KRT71: variants seen among roughly 807,000 people sequenced by gnomAD.
KRT71 encodes the protein keratin 71.
Under a neutral mutation model 46.2 loss-of-function variants are expected in KRT71, and 42 were observed. That is an observed-to-expected ratio of 0.91 (90% CI 0.71 to 1.18). KRT71 has a LOEUF of 1.18. Among genes scored for constraint, KRT71 ranks in the 50% most tolerant of loss-of-function variants. The pLI is 0.00. For synonymous variants in KRT71, 292 were observed against 277.8 expected (o/e 1.05, Z -0.51); for missense variants, 708 against 677.9 (o/e 1.04, Z -0.49).
chr12:52,546,891 G>A (rs972377431), intron 6 of KRT71, among the ~76,000 whole-genome samples: 1 of 152,214 alleles, frequency 6.6e-6, no homozygotes, highest in Non-Finnish European at 1.5e-5. Flanking sequence ...AGCTGCCCAG[G>A]AACAGGGCAC....
At position 52,548,000 on chromosome 12, in the gene KRT71, CAG is replaced by C. The variant is rs3839975; in HGVS notation, c.979-20_979-19del. On this transcript the variant is annotated intron_variant, in intron 5 of 8. Coordinates refer to ENST00000267119, the MANE Select transcript of KRT71 (RefSeq NM_033448.3). ...TCTTGGAACTGGGGACCCCAAAGCA[CAG>C]AGTCATGAGTGTGTCGTGGGAGTGC... is the stretch of plus-strand genomic sequence containing the variant. The C allele has an allele frequency of 0.48, 773,482 of 1,612,826 alleles. 194,689 individuals carry two copies. The highest frequency in any genetic ancestry group is 0.55 in the Middle Eastern group (3,318 of 6,058).
intron 8 of KRT71, 134 bp from the exon 9 acceptor site, chr12:52,544,877 A>G (rs1417120028): frequency 4.1e-6 from 3 of 727,586 alleles, no homozygotes; most frequent in Non-Finnish European, 7.0e-6. Flanking sequence ...CCTGGGGAGA[A>G]TGTACCAAAG....
intron 2 of KRT71, 137 bp downstream of exon 2, chr12:52,549,892 T>C (rs1039093787): frequency 5.2e-6 from 5 of 963,218 alleles, no homozygotes; most frequent in Non-Finnish European, 7.8e-6. Context: ...AGAGTTTTGT[T>C]GGGGTGATTC....
chr12:52,548,568 T>G (rs2120570648), intron 4 of KRT71, 133 bp downstream of exon 4: 1 of 854,976 alleles, frequency 1.2e-6, no homozygotes, highest in Non-Finnish European at 1.9e-6. Context: ...GCCTCGCAAG[T>G]CTGATGCGGG....
Position 52,550,089 on chromosome 12 carries a change from C to G in KRT71, c.596G>C (p.Arg199Thr), listed in dbSNP as rs1939140296. 6.2e-7 allele frequency: 1 copy of G among 1,614,184 alleles called. No homozygotes were observed. The highest frequency in any genetic ancestry group is 8.5e-7 in the Non-Finnish European group (1 of 1,180,014). ...CCTCAGCTCCGAGTCCAGCCTCACC[C>G]TGTCCCCAGACAGCGTCTCCAGCTG... ...RKQLETLSGD[R>T]VRLDSELRNV... Residue 199 changes from arginine (R) to threonine (T), a missense_variant, in exon 2 of 9, where the codon AGG becomes ACG. Coordinates refer to ENST00000267119, the MANE Select transcript of KRT71 (RefSeq NM_033448.3).
intron 1 of KRT71, 119 bp from the exon 2 acceptor site, chr12:52,550,362 G>A: frequency 8.1e-7 from 1 of 1,233,890 alleles, no homozygotes; most frequent in Non-Finnish European, 1.1e-6. Context: ...GAAAGAGGTG[G>A]GCAAATCATT....
intron 7 of KRT71, among the ~76,000 whole-genome samples, chr12:52,546,047 G>A (rs2120557776): frequency 6.6e-6 from 1 of 151,738 alleles, no homozygotes; most frequent in East Asian, 1.9e-4. Flanking sequence ...GGAAGAACGA[G>A]CAAATCTGCA....
At chr12:52,546,206 T>C in intron 7 of KRT71, 80 bp downstream of exon 7, 1 of 1,463,182 alleles carries the variant, frequency 6.8e-7, no homozygotes, top group Non-Finnish European at 9.4e-7. Context: ...TCATCTCTTC[T>C]GGATTGAGAT....
intron 4 of KRT71, among the ~76,000 whole-genome samples, 155 bp from the exon 5 acceptor site, chr12:52,548,471 T>C (rs1328925919): frequency 6.6e-6 from 1 of 152,174 alleles, no homozygotes; most frequent in Non-Finnish European, 1.5e-5. Context: ...GCAAAGCAAG[T>C]TCCCTGCTGG....
rs140770876 is a variant in KRT71 at position 52,550,034 on chromosome 12, C to A, written c.651G>T (p.Lys217Asn). ...GGGGGACTCCTCCTGCTCACCTCTT[C>A]TTGTAGTCCTCCACTACGTCCCGCA... Reference protein sequence around the residue: ...RNVRDVVEDYKKRYEEEINKR... With the variant: ...RNVRDVVEDYNKRYEEEINKR... Residue 217 changes from lysine (K) to asparagine (N), a missense_variant, in exon 2 of 9, where the codon AAG becomes AAT. Transcript: ENST00000267119. The A allele has an allele frequency of 1.2e-6, 2 of 1,614,006 alleles. No homozygotes were observed. The highest frequency in any genetic ancestry group is 1.7e-6 in the Non-Finnish European group (2 of 1,179,980).
Position 52,549,302 on chromosome 12 carries a change from C to A in KRT71, c.708G>T (p.Leu236=), listed in dbSNP as rs781454643. 8.5e-5 allele frequency: 137 copies of A among 1,613,510 alleles called. No homozygotes were observed. The highest frequency in any genetic ancestry group is 1.1e-4 in the Non-Finnish European group (132 of 1,179,666). ...KRTAAENEFV[L]LKKDVDAAYA... ...CCTGCCTTCCCCTCACCTTCTTGAGCAGCACAAACTCGTTCTCTGCTGCTG... is the reference window on the plus strand; with the variant it reads ...CCTGCCTTCCCCTCACCTTCTTGAGAAGCACAAACTCGTTCTCTGCTGCTG... Residue 236 remains leucine, a synonymous_variant, in exon 3 of 9, where the codon CTG becomes CTT. Coordinates refer to ENST00000267119, the MANE Select transcript of KRT71 (RefSeq NM_033448.3).
At position 52,546,044 on chromosome 12, in the gene KRT71, C is replaced by T. The variant is rs10747642; in HGVS notation, c.1325+242G>A. Among the ~76,000 whole-genome samples, 58,169 of 151,272 alleles carry T rather than the reference C, an allele frequency of 0.38. 13,890 individuals are homozygous for T. The highest frequency in any genetic ancestry group is 0.54 in the Middle Eastern group (158 of 294). On this transcript the variant is annotated intron_variant, in intron 7 of 8. Transcript: ENST00000267119. The stretch of plus-strand genomic sequence containing the variant: ...TTGTTTCTAGTATGCCCAGGAAGAA[C>T]GAGCAAATCTGCATAGCTTACTACA...
Position 52,546,428 on chromosome 12 carries a change from C to T in KRT71, c.1183G>A (p.Asp395Asn). 6.2e-7 allele frequency: 1 copy of T among 1,614,212 alleles called. No homozygotes were observed. Among genetic ancestry groups the T allele is most frequent in the Middle Eastern group, 1.6e-4 (1 of 6,062 alleles). ...NALKDARAKLDELEGALHQAK... is the reference protein window; with the variant it reads ...NALKDARAKLNELEGALHQAK... Reference sequence around the variant, plus strand: ...TGGTGCAGGGCGCCCTCCAGCTCGTCCAGCTTGGCCCGGGCATCCTTCAGG... The same window carrying T: ...TGGTGCAGGGCGCCCTCCAGCTCGTTCAGCTTGGCCCGGGCATCCTTCAGG... Residue 395 changes from aspartate (D) to asparagine (N), a missense_variant, in exon 7 of 9, where the codon GAC (aspartate) becomes AAC (asparagine). By Grantham distance (23) the Asp-to-Asn change is conservative. Transcript: ENST00000267119.
At chr12:52,548,591 A>G in intron 4 of KRT71, 110 bp downstream of exon 4, 3 of 971,828 alleles carry the variant, frequency 3.1e-6, no homozygotes, top group Non-Finnish European at 4.8e-6. Flanking sequence ...ATGGTTGGCT[A>G]ACTGAGGGGT....
chr12:52,552,356 G>T (rs938414904), intron 1 of KRT71, among the ~76,000 whole-genome samples: 16 of 152,342 alleles, frequency 1.1e-4, no homozygotes, highest in African/African-American at 3.8e-4. Context: ...TGCAGGCCTA[G>T]CAATGGCACC....
chr12:52,551,826 G>A (rs1939175705), intron 1 of KRT71, among the ~76,000 whole-genome samples: 1 of 152,154 alleles, frequency 6.6e-6, no homozygotes, highest in East Asian at 1.9e-4. Flanking sequence ...GAAGTCAGGG[G>A]CCTATCTGGA....
chr12:52,545,551 A>T lies in KRT71; in HGVS notation c.1360+14T>A. 2 of 1,529,620 alleles carry T rather than the reference A, an allele frequency of 1.3e-6. No individual in the cohort carries two copies. Among genetic ancestry groups the T allele is most frequent in the African/African-American group, 2.7e-5 (2 of 73,290 alleles). 94.8% of individuals were successfully genotyped at this position (1,529,620 alleles called of 1,614,324 possible). ...AGATTTTACAATTTTAGGTGAAAGTATACAAATACTTACAGATGCTGACAG... is the reference window on the plus strand; with the variant it reads ...AGATTTTACAATTTTAGGTGAAAGTTTACAAATACTTACAGATGCTGACAG... On this transcript the variant is annotated intron_variant, in intron 8 of 8. Coordinates refer to ENST00000267119, the MANE Select transcript of KRT71 (RefSeq NM_033448.3).
intron 1 of KRT71, among the ~76,000 whole-genome samples, chr12:52,550,994 T>C (rs1249155090): frequency 6.6e-6 from 1 of 152,208 alleles, no homozygotes; most frequent in African/African-American, 2.4e-5. Flanking sequence ...ACACAAGACA[T>C]GGGAAAACTA....
intron 3 of KRT71, 115 bp from the exon 4 acceptor site, chr12:52,548,911 C>T: frequency 2.2e-6 from 2 of 899,910 alleles, no homozygotes; most frequent in Non-Finnish European, 3.5e-6. Context: ...TTCACTTTGC[C>T]TTGGGAAAGG....
Sources: gnomAD v4.1 joint callset for allele counts (sites outside exome capture counted in the v4.1 genomes callset) on GRCh38, gnomAD v4.1.1 for gene constraint, MANE v1.5 for transcripts, NCBI Gene and HGNC (gene_info 2026-07-23, HGNC 2026-07-21) for gene names.